The following USH2A variants were observed in gnomAD, a reference collection of about 807,000 sequenced individuals.
USH2A encodes usherin.
A neutral mutation model predicts 538.9 loss-of-function variants in USH2A; 443 were observed. That is an observed-to-expected ratio of 0.82 (90% CI 0.76 to 0.89). USH2A has a LOEUF of 0.89. Ranked by LOEUF, USH2A falls within the 40% of genes least tolerant of loss-of-function variation. The pLI is 0.00. For missense variants in USH2A, 6,633 were observed against 6,324.8 expected, an observed-to-expected ratio of 1.05 and a Z score of -1.65; for synonymous variants, 2,413 against 2,273.5, an observed-to-expected ratio of 1.06 and a Z score of -1.75.
Position 216,253,312 on chromosome 1 carries a change from G to A in USH2A, c.1972-2214C>T, listed in dbSNP as rs188180419. 3.2e-3 allele frequency among the ~76,000 whole-genome samples: 482 copies of A among 151,974 alleles called. 1 individual carries two copies. The highest frequency in any genetic ancestry group is 4.6e-3 in the Non-Finnish European group (310 of 67,964). On this transcript the variant is annotated intron_variant, in intron 11 of 71. Transcript: ENST00000307340. ...TCTTGTTTCAGCCTCCCCAGTAGCT[G>A]GGCCACCAGGCACGGCTAATTTTTT...
At chr1:215,728,895 C>G (rs148456737) in intron 60 of USH2A, among the ~76,000 whole-genome samples, 1 of 151,920 alleles carries the variant, frequency 6.6e-6, no homozygotes, top group Non-Finnish European at 1.5e-5. Context: ...GCAGTTATAT[C>G]GGGGTTTTAT....
chr1:215,813,841 T>G lies in USH2A; in HGVS notation c.9634A>C (p.Ile3212Leu), dbSNP rs1007402991. Residue 3212 changes from isoleucine (I) to leucine (L), a missense_variant, in exon 49 of 72, where the codon ATC (isoleucine) becomes CTC (leucine). Physicochemically the swap from Ile to Leu is conservative, Grantham distance 5. Coordinates refer to ENST00000307340, the MANE Select transcript of USH2A (RefSeq NM_206933.4). ...PGHRCCEEKY[I>L]PFVLNSTGVC... ...CCAGTAGAATTCAGAACAAACGGGATATACTTTTCTTCACAACAGCGATGT... is the reference window on the plus strand; with the variant it reads ...CCAGTAGAATTCAGAACAAACGGGAGATACTTTTCTTCACAACAGCGATGT... 1.1e-5 allele frequency: 17 copies of G among 1,613,954 alleles called. No individual in the cohort carries two copies. Among genetic ancestry groups the G allele is most frequent in the Non-Finnish European group, 1.4e-5 (17 of 1,179,868 alleles).
In USH2A at chr1:216,200,016, T is replaced by C. The variant is rs2034947175; in HGVS notation, c.3422A>G (p.Tyr1141Cys). 6.2e-7 allele frequency: 1 copy of C among 1,613,906 alleles called. No homozygotes were observed. The highest frequency in any genetic ancestry group is 8.5e-7 in the Non-Finnish European group (1 of 1,180,004). The part of the protein sequence containing the change: ...HGSTRSVAVT[Y>C]KTKPGVPEGN... Reference sequence around the variant, plus strand: ...CTCTGGGACCCCTGGTTTTGTCTTGTAAGTGACAGCTACACTCCTTGTTGA... The same window carrying C: ...CTCTGGGACCCCTGGTTTTGTCTTGCAAGTGACAGCTACACTCCTTGTTGA... The change falls in exon 17 of 72, where the codon TAC (tyrosine) becomes TGC (cysteine). Residue 1141 changes from tyrosine to cysteine, a missense_variant. Tyr to Cys is a radical substitution (Grantham distance 194). Coordinates refer to ENST00000307340, the MANE Select transcript of USH2A (RefSeq NM_206933.4).
At position 216,246,636 on chromosome 1, in the gene USH2A, A is replaced by C; in HGVS notation, c.2758T>G (p.Cys920Gly). The C allele has an allele frequency of 6.2e-7, 1 of 1,614,114 alleles. No individual in the cohort carries two copies. Among genetic ancestry groups the C allele is most frequent in the Non-Finnish European group, 8.5e-7 (1 of 1,179,966 alleles). Residue 920 changes from cysteine to glycine, a missense_variant, in exon 13 of 72, where the codon TGC becomes GGC. By Grantham distance (159) the Cys-to-Gly change is radical. Coordinates refer to ENST00000307340, the MANE Select transcript of USH2A (RefSeq NM_206933.4). ...CCTTGACGATTAGGCACACACAGGC[A>C]CTGGCCACTGATTGGGTCACAAATG... is the stretch of plus-strand genomic sequence containing the variant. ...GTICDPISGQ[C>G]LCVPNRQGRR...
At position 216,084,593 on chromosome 1, in the gene USH2A, A is replaced by ACTAG; in HGVS notation, c.5167+101_5167+104dup. On this transcript the variant is annotated intron_variant, in intron 25 of 71. Coordinates refer to ENST00000307340, the MANE Select transcript of USH2A (RefSeq NM_206933.4). ...TGGAATAACTAAGTATTTCTGTGAT[A>ACTAG]CTAGGTTCATATGAGGTCAAGTTAA... The ACTAG allele has an allele frequency of 5.0e-6, 6 of 1,203,292 alleles. No individual in the cohort carries two copies. In the South Asian group the frequency reaches 7.8e-5, roughly 16 times the overall value. The allele number at this position is 1,203,292 out of a possible 1,614,324, so 74.5% of individuals were successfully genotyped here.
chr1:216,003,233 G>A (rs145546874), intron 32 of USH2A, among the ~76,000 whole-genome samples: 1 of 152,164 alleles, frequency 6.6e-6, no homozygotes, highest in East Asian at 1.9e-4. Flanking sequence ...AAATAGTTTA[G>A]TTGAGCTTGT....
chr1:215,927,036 C>T (rs968589078), intron 38 of USH2A, among the ~76,000 whole-genome samples: 1 of 152,148 alleles, frequency 6.6e-6, no homozygotes, highest in Non-Finnish European at 1.5e-5. Context: ...TAGAATTATA[C>T]ACTCACAAAG....
intron 36 of USH2A, among the ~76,000 whole-genome samples, chr1:215,965,822 A>T (rs771519436): frequency 4.6e-5 from 7 of 152,064 alleles, no homozygotes; most frequent in Non-Finnish European, 7.4e-5. Flanking sequence ...AAAAGAGAAG[A>T]AATGCACGCA....
intron 32 of USH2A, among the ~76,000 whole-genome samples, chr1:216,007,544 C>A (rs1359933132): frequency 1.3e-5 from 2 of 152,168 alleles, no homozygotes; most frequent in African/African-American, 2.4e-5. Flanking sequence ...GGGGCCCTGA[C>A]CCCTGTTTTC....
chr1:216,351,944 G>A (rs1317915716), intron 4 of USH2A, among the ~76,000 whole-genome samples: 3 of 152,100 alleles, frequency 2.0e-5, no homozygotes, highest in Non-Finnish European at 1.5e-5. Context: ...CTTGTGATGA[G>A]GAAGACCATG....
intron 32 of USH2A, among the ~76,000 whole-genome samples, chr1:216,036,004 A>G (rs1193040084): frequency 1.3e-5 from 2 of 152,170 alleles, no homozygotes; most frequent in African/African-American, 4.8e-5. Context: ...TAGGAATTTG[A>G]TATGGAAGAG....
chr1:216,220,411 C>G (rs1014037436), intron 14 of USH2A, among the ~76,000 whole-genome samples: 1 of 146,116 alleles, frequency 6.8e-6, no homozygotes, highest in Non-Finnish European at 1.5e-5. Flanking sequence ...CAAGAAAAAA[C>G]GGAAACAGCA....
chr1:215,742,994 C>A (rs1288100172), intron 59 of USH2A, among the ~76,000 whole-genome samples, 183 bp downstream of exon 59: 1 of 152,018 alleles, frequency 6.6e-6, no homozygotes, highest in Non-Finnish European at 1.5e-5. Context: ...ATTTAATGTG[C>A]AGAAATGCAT....
At chr1:215,838,663 C>T (rs578011050) in intron 46 of USH2A, among the ~76,000 whole-genome samples, 1 of 152,250 alleles carries the variant, frequency 6.6e-6, no homozygotes, top group Admixed American at 6.5e-5. Context: ...CATCATTCAT[C>T]CCTTTAATTC....
At chr1:215,630,726 G>A (rs1439558209) in intron 70 of USH2A, among the ~76,000 whole-genome samples, 1 of 151,260 alleles carries the variant, frequency 6.6e-6, no homozygotes, top group Non-Finnish European at 1.5e-5. Flanking sequence ...GGTGGCGGGC[G>A]CCTGTAGTCC....
chr1:215,906,969 T>C (rs1431744764), intron 38 of USH2A, among the ~76,000 whole-genome samples: 3 of 151,944 alleles, frequency 2.0e-5, no homozygotes, highest in Non-Finnish European at 2.9e-5. Flanking sequence ...AATCCTTACC[T>C]AGAACATCCC....
chr1:216,314,731 A>T (rs2037477084), intron 9 of USH2A, among the ~76,000 whole-genome samples: 3 of 152,230 alleles, frequency 2.0e-5, no homozygotes. Flanking sequence ...ATGCTAACAA[A>T]AATTTATACT....
intron 12 of USH2A, 23 bp downstream of exon 12, chr1:216,250,878 CTG>C: frequency 1.2e-6 from 2 of 1,611,744 alleles, no homozygotes; most frequent in Non-Finnish European, 8.5e-7. Flanking sequence ...AGAGATGTGA[CTG>C]TAAACTTTTG....
chr1:215,928,211 TAAG>T (rs1176419724), intron 38 of USH2A, among the ~76,000 whole-genome samples: 1 of 152,098 alleles, frequency 6.6e-6, no homozygotes, highest in Non-Finnish European at 1.5e-5. Flanking sequence ...CACCTACTTA[TAAG>T]AAGAGATCAG....
Sources: gnomAD v4.1 joint callset for allele counts (sites outside exome capture counted in the v4.1 genomes callset) on GRCh38, gnomAD v4.1.1 for gene constraint, MANE v1.5 for transcripts, NCBI Gene and HGNC (gene_info 2026-07-23, HGNC 2026-07-21) for gene names.